RABGAP1L: variants seen among roughly 807,000 people sequenced by gnomAD.
RABGAP1L encodes RAB GTPase activating protein 1 like.
A neutral mutation model predicts 137.7 loss-of-function variants in RABGAP1L; 63 were observed. That is an observed-to-expected ratio of 0.46 (90% CI 0.37 to 0.56). The LOEUF (loss-of-function observed/expected upper bound fraction) is 0.56, where lower values mean the gene tolerates loss of function less well. RABGAP1L is among the 20% of genes least tolerant of loss of function. The probability of loss-of-function intolerance (pLI) is 0.00; values close to 1 mark genes in which losing one functional copy is unlikely to be tolerated. For synonymous variants in RABGAP1L, 431 were observed against 433.7 expected (o/e 0.99, Z 0.08); for missense variants, 1,095 against 1,244.0 (o/e 0.88, Z 1.80).
At chr1:174,719,135 G>A (rs534443679) in intron 17 of RABGAP1L, among the ~76,000 whole-genome samples, 2 of 152,072 alleles carry the variant, frequency 1.3e-5, no homozygotes, top group Admixed American at 6.5e-5. Flanking sequence ...CACCGCACCC[G>A]GCCTATAGTA....
chr1:174,595,844 A>AGG (rs1311462577), intron 13 of RABGAP1L, among the ~76,000 whole-genome samples: 1 of 100,248 alleles, frequency 1.0e-5, no homozygotes, highest in Non-Finnish European at 1.9e-5. Flanking sequence ...TGGAGCCTAC[A>AGG]GAGGCAGGCA....
chr1:174,374,709 A>C (rs1685376802), intron 12 of RABGAP1L, among the ~76,000 whole-genome samples: 1 of 152,192 alleles, frequency 6.6e-6, no homozygotes, highest in Non-Finnish European at 1.5e-5. Flanking sequence ...TGTAGTGCTA[A>C]CTTGATAGGT....
chr1:174,546,602 A>C (rs2147962206), intron 13 of RABGAP1L, among the ~76,000 whole-genome samples: 1 of 152,356 alleles, frequency 6.6e-6, no homozygotes, highest in African/African-American at 2.4e-5. Flanking sequence ...TTTCCATAGA[A>C]GGTGCTTTTA....
intron 14 of RABGAP1L, among the ~76,000 whole-genome samples, chr1:174,648,351 A>C (rs1675168496): frequency 6.6e-6 from 1 of 152,066 alleles, no homozygotes; most frequent in Non-Finnish European, 1.5e-5. Flanking sequence ...TAGTGCTATA[A>C]ATTTTTCTCT....
intron 5 of RABGAP1L, chr1:174,245,203 G>T (rs1283022159): frequency 6.6e-6 from 1 of 152,222 alleles, no homozygotes; most frequent in Admixed American, 6.5e-5. Context: ...TTCCCAAGTA[G>T]TTGGGATTAC....
chr1:174,685,507 C>T (rs1466962382), intron 15 of RABGAP1L, among the ~76,000 whole-genome samples: 1 of 152,014 alleles, frequency 6.6e-6, no homozygotes, highest in Non-Finnish European at 1.5e-5. Context: ...CCTGCCTCAG[C>T]CTCCCAAAGT....
intron 13 of RABGAP1L, among the ~76,000 whole-genome samples, chr1:174,469,468 A>G (rs913819634): frequency 6.6e-6 from 1 of 152,208 alleles, no homozygotes; most frequent in African/African-American, 2.4e-5. Context: ...ATTTTCAGCA[A>G]CTACCTTAGT....
intron 11 of RABGAP1L, among the ~76,000 whole-genome samples, chr1:174,325,519 G>A (rs535303276): frequency 1.5e-4 from 23 of 152,298 alleles, no homozygotes; most frequent in African/African-American, 5.3e-4. Flanking sequence ...AACTGTAGTT[G>A]GAAGATAAGA....
intron 23 of RABGAP1L, among the ~76,000 whole-genome samples, chr1:174,981,353 G>T (rs1347568106): frequency 6.6e-6 from 1 of 152,018 alleles, no homozygotes; most frequent in Admixed American, 6.6e-5. Flanking sequence ...TCCTACTAAT[G>T]GTTCCTCAGG....
At chr1:174,639,153 C>G (rs918668161) in intron 14 of RABGAP1L, among the ~76,000 whole-genome samples, 2 of 151,924 alleles carry the variant, frequency 1.3e-5, no homozygotes, top group Middle Eastern at 3.2e-3. Flanking sequence ...GGCCTCTTCA[C>G]ACTCCTGTCT....
chr1:174,909,161 A>G (rs1300635295), intron 19 of RABGAP1L, among the ~76,000 whole-genome samples: 1 of 149,632 alleles, frequency 6.7e-6, no homozygotes, highest in African/African-American at 2.5e-5. Flanking sequence ...CCTGGGCAAC[A>G]GAGTGAGACT....
At chr1:174,247,941 A>G (rs1203903097) in intron 5 of RABGAP1L, among the ~76,000 whole-genome samples, 1 of 152,130 alleles carries the variant, frequency 6.6e-6, no homozygotes, top group Non-Finnish European at 1.5e-5. Flanking sequence ...GCTCCTTAAA[A>G]CAAAACTAAA....
chr1:174,542,770 T>G (rs1244202696), intron 13 of RABGAP1L, among the ~76,000 whole-genome samples: 1 of 152,240 alleles, frequency 6.6e-6, no homozygotes, highest in South Asian at 2.1e-4. Flanking sequence ...TTTAAATGTG[T>G]CCCAGAGATT....
chr1:174,217,195 C>T (rs763583499), intron 1 of RABGAP1L, among the ~76,000 whole-genome samples: 1 of 152,072 alleles, frequency 6.6e-6, no homozygotes, highest in Non-Finnish European at 1.5e-5. Flanking sequence ...GTGTTATTTA[C>T]TGAAATGGCA....
chr1:174,767,131 G>C (rs1438990689), intron 18 of RABGAP1L, among the ~76,000 whole-genome samples: 1 of 152,146 alleles, frequency 6.6e-6, no homozygotes, highest in East Asian at 1.9e-4. Flanking sequence ...TTTGATTGAT[G>C]TCTCATGTCT....
At chr1:174,882,972 A>G (rs181516757) in intron 19 of RABGAP1L, among the ~76,000 whole-genome samples, 11 of 152,154 alleles carry the variant, frequency 7.2e-5, no homozygotes, top group Non-Finnish European at 1.5e-4. Flanking sequence ...ACAGGCACAC[A>G]CCACCATGCC....
At chr1:174,765,333 A>T (rs1253437375) in intron 18 of RABGAP1L, among the ~76,000 whole-genome samples, 1 of 152,136 alleles carries the variant, frequency 6.6e-6, no homozygotes, top group African/African-American at 2.4e-5. Context: ...ACATATTTTC[A>T]TGTGCTTATT....
Position 174,448,873 on chromosome 1 carries a change from G to C in RABGAP1L, c.1710+54728G>C. 1.2e-6 allele frequency: 2 copies of C among 1,613,804 alleles called. No homozygotes were observed. Among genetic ancestry groups the C allele is most frequent in the African/African-American group, 1.3e-5 (1 of 75,042 alleles). On this transcript the variant is annotated intron_variant, in intron 13 of 25. Transcript: ENST00000681986. This position sits in a 1 kb window ranked among gnomAD's most constrained non-coding sequence, Gnocchi z 4.2. ...GTCATGAGGTAGATTCTTCCAGAGA[G>C]ACTGGACACAGCCCTGACCGTCGCT...
At chr1:174,616,380 A>G (rs908149860) in intron 13 of RABGAP1L, among the ~76,000 whole-genome samples, 1 of 152,310 alleles carries the variant, frequency 6.6e-6, no homozygotes, top group South Asian at 2.1e-4. Context: ...ACATTTTAAA[A>G]CTTGAGTCTG....
Sources: allele counts gnomAD v4.1 joint callset (sites outside exome capture counted in the v4.1 genomes callset), GRCh38; gene constraint gnomAD v4.1.1; non-coding constraint Gnocchi (gnomAD v3.1); transcripts MANE v1.5; gene names NCBI Gene and HGNC (gene_info 2026-07-23, HGNC 2026-07-21).